Variants in NUDT21 observed in about 807,000 individuals in gnomAD.
NUDT21 encodes the protein cleavage and polyadenylation specificity factor subunit 5.
Under a neutral mutation model 29.8 loss-of-function variants are expected in NUDT21, and 5 were observed. The ratio of observed to expected loss-of-function variants is 0.17; its 90% CI spans 0.09 to 0.35. The LOEUF (loss-of-function observed/expected upper bound fraction) is 0.35, where lower values mean the gene tolerates loss of function less well. Ranked by LOEUF, NUDT21 falls within the 10% of genes least tolerant of loss-of-function variation. The probability of loss-of-function intolerance (pLI) is 1.00; values close to 1 mark genes in which losing one functional copy is unlikely to be tolerated. For missense variants in NUDT21, 76 were observed against 276.0 expected (o/e 0.28, Z 5.13); for synonymous variants, 113 against 98.5 (o/e 1.15, Z -0.87).
intron 4 of NUDT21, chr16:56,435,181 T>G (rs1227649409): frequency 6.2e-6 from 1 of 161,368 alleles, no homozygotes; most frequent in East Asian, 1.8e-4. Flanking sequence ...TGGAGTGCAA[T>G]GGCGCAATCT....
rs1462926245 is a variant in NUDT21 at position 56,431,327 on chromosome 16, G to C, written c.*1385C>G. ...GGGGCATTTTTGATCATGGAGACTG[G>C]TGCTCACCTACCATGAAGGACATGC... On this transcript the variant is annotated 3_prime_UTR_variant, in exon 7 of 7. Coordinates refer to ENST00000300291, the MANE Select transcript of NUDT21 (RefSeq NM_007006.3). 2 of 152,150 alleles carry C rather than the reference G, an allele frequency of 1.3e-5. No individual in the cohort carries two copies. Among genetic ancestry groups the C allele is most frequent in the African/African-American group, 2.4e-5 (1 of 41,418 alleles). 9.4% of individuals were successfully genotyped at this position (152,150 alleles called of 1,614,324 possible).
chr16:56,434,659 A>C (rs921367150), intron 5 of NUDT21, 95 bp downstream of exon 5: 12 of 921,272 alleles, frequency 1.3e-5, no homozygotes, highest in Non-Finnish European at 1.9e-5. Flanking sequence ...CAAACCCAAA[A>C]GTTCAAGGAA....
Position 56,430,978 on chromosome 16 carries a change from A to T in NUDT21, c.*1734T>A, listed in dbSNP as rs1962027582. ...AATCAGATGACTCTTCAACTCAAAC[A>T]CTCCTTACTGAGAGTACTTTATAAA... On this transcript the variant is annotated 3_prime_UTR_variant, in exon 7 of 7. Coordinates refer to ENST00000300291, the MANE Select transcript of NUDT21 (RefSeq NM_007006.3). The T allele has an allele frequency of 1.3e-5, 2 of 152,052 alleles. No homozygotes were observed. The highest frequency in any genetic ancestry group is 4.8e-5 in the African/African-American group (2 of 41,404). The allele number at this position is 152,052 out of a possible 1,614,324, so 9.4% of individuals were successfully genotyped here. A position where few individuals can be genotyped will look rare whatever the true frequency, so the allele number is the denominator to read the frequency against.
chr16:56,443,172 A>ATT (rs111235267), intron 3 of NUDT21, among the ~76,000 whole-genome samples: 1 of 148,740 alleles, frequency 6.7e-6, no homozygotes, highest in Admixed American at 6.7e-5. Context: ...GGACTACAAT[A>ATT]TTTTTTTTTC....
intron 2 of NUDT21, 80 bp downstream of exon 2, chr16:56,447,709 G>A (rs1442840628): frequency 7.9e-7 from 1 of 1,261,018 alleles, no homozygotes; most frequent in Non-Finnish European, 1.1e-6. Context: ...AATGACCGAG[G>A]GCTAAAATTG....
intron 3 of NUDT21, among the ~76,000 whole-genome samples, chr16:56,443,002 T>G (rs775292198): frequency 5.9e-5 from 9 of 152,164 alleles, no homozygotes; most frequent in Non-Finnish European, 1.0e-4. Context: ...CATAGTTTTG[T>G]CAATGGTTGA....
intron 4 of NUDT21, among the ~76,000 whole-genome samples, chr16:56,435,916 T>A (rs1402522055): frequency 1.4e-5 from 2 of 146,570 alleles, no homozygotes; most frequent in East Asian, 4.0e-4. Flanking sequence ...CCTCCCCGTA[T>A]GCCAAGGTGC....
chr16:56,444,628 A>C (rs557146707), intron 3 of NUDT21, among the ~76,000 whole-genome samples: 29 of 151,972 alleles, frequency 1.9e-4, no homozygotes, highest in African/African-American at 7.0e-4. Flanking sequence ...AACAAAAAAA[A>C]AAAAAAACAA....
At chr16:56,447,651 G>C in intron 2 of NUDT21, 138 bp downstream of exon 2, 2 of 707,290 alleles carry the variant, frequency 2.8e-6, no homozygotes, top group Non-Finnish European at 2.4e-6. Flanking sequence ...AATTACTCAT[G>C]ATTTTCTCTT....
intron 4 of NUDT21, among the ~76,000 whole-genome samples, chr16:56,435,642 C>T (rs1245436326): frequency 1.4e-5 from 2 of 143,498 alleles, no homozygotes; most frequent in Admixed American, 1.4e-4. Flanking sequence ...AGGAGAATGG[C>T]GTGAACCTGG....
chr16:56,450,520 C>T (rs1962281570), intron 1 of NUDT21, among the ~76,000 whole-genome samples: 1 of 152,128 alleles, frequency 6.6e-6, no homozygotes, highest in African/African-American at 2.4e-5. Context: ...GACGCGAAGG[C>T]ATAAGGCATG....
intron 3 of NUDT21, among the ~76,000 whole-genome samples, chr16:56,440,879 C>T (rs1222970373): frequency 2.0e-5 from 3 of 152,004 alleles, no homozygotes; most frequent in Non-Finnish European, 4.4e-5. Context: ...GGTGGGATTA[C>T]AGGCACATGC....
intron 6 of NUDT21, among the ~76,000 whole-genome samples, chr16:56,433,875 TG>T (rs1471292672): frequency 6.6e-6 from 1 of 152,050 alleles, no homozygotes; most frequent in Non-Finnish European, 1.5e-5. Flanking sequence ...TTAGTAGAGA[TG>T]GGGTTTCACC....
In NUDT21 at chr16:56,430,442, A is replaced by G. The variant is rs558088591; in HGVS notation, c.*2270T>C. The G allele has an allele frequency of 6.6e-6, 1 of 152,346 alleles. No homozygotes were observed. Among genetic ancestry groups the G allele is most frequent in the African/African-American group, 2.4e-5 (1 of 41,584 alleles). The allele number at this position is 152,346 out of a possible 1,614,324, so 9.4% of individuals were successfully genotyped here. On this transcript the variant is annotated 3_prime_UTR_variant, in exon 7 of 7. Coordinates refer to ENST00000300291, the MANE Select transcript of NUDT21 (RefSeq NM_007006.3). ...ACATATATTGTAGTTTTAGAACGCAAAAGAGCTTTCATTTTAGACAAATAT... is the reference window on the plus strand; with the variant it reads ...ACATATATTGTAGTTTTAGAACGCAGAAGAGCTTTCATTTTAGACAAATAT...
Position 56,432,626 on chromosome 16 carries a change from A to C in NUDT21, c.*86T>G. The C allele has an allele frequency of 8.3e-7, 1 of 1,206,754 alleles. No individual in the cohort carries two copies. Among genetic ancestry groups the C allele is most frequent in the Non-Finnish European group, 1.1e-6 (1 of 870,904 alleles). The allele number at this position is 1,206,754 out of a possible 1,614,324, so 74.8% of individuals were successfully genotyped here. ...TCGCAAAAGAGATAAAACCAAAAAA[A>C]CTTTTCTACCACATTTATTCTACAC... is the stretch of plus-strand genomic sequence containing the variant. On this transcript the variant is annotated 3_prime_UTR_variant, in exon 7 of 7. Coordinates refer to ENST00000300291, the MANE Select transcript of NUDT21 (RefSeq NM_007006.3).
intron 3 of NUDT21, among the ~76,000 whole-genome samples, chr16:56,446,022 G>A (rs1162654254): frequency 1.3e-5 from 2 of 152,198 alleles, no homozygotes; most frequent in East Asian, 1.9e-4. Context: ...AGGGGCAGGC[G>A]GCAATTGAAT....
chr16:56,448,049 ACATTAG>A, intron 1 of NUDT21, 60 bp from the exon 2 acceptor site: 1 of 1,438,722 alleles, frequency 7.0e-7, no homozygotes, highest in Non-Finnish European at 9.7e-7. Context: ...ACCATGACAG[ACATTAG>A]CATAAAGAAA....
At chr16:56,432,899 A>G (rs1962052207) in intron 6 of NUDT21, among the ~76,000 whole-genome samples, 166 bp from the exon 7 acceptor site, 1 of 151,950 alleles carries the variant, frequency 6.6e-6, no homozygotes, top group Non-Finnish European at 1.5e-5. Flanking sequence ...TTCTACACCA[A>G]TTTTCCCTCA....
At chr16:56,435,408 C>A (rs1318468608) in intron 4 of NUDT21, among the ~76,000 whole-genome samples, 2 of 151,774 alleles carry the variant, frequency 1.3e-5, no homozygotes, top group Non-Finnish European at 2.9e-5. Flanking sequence ...GCCACCATGC[C>A]CAGCCTAAAA....
Sources: gnomAD v4.1 joint callset for allele counts (sites outside exome capture counted in the v4.1 genomes callset) on GRCh38, gnomAD v4.1.1 for gene constraint, MANE v1.5 for transcripts, NCBI Gene and HGNC (gene_info 2026-07-23, HGNC 2026-07-21) for gene names.